The following FRAS1 variants were observed in gnomAD, a reference collection of about 807,000 sequenced individuals.
The protein encoded by FRAS1 is extracellular matrix organizing protein FRAS1.
Under a neutral mutation model 435.2 loss-of-function variants are expected in FRAS1, and 290 were observed. The ratio of observed to expected loss-of-function variants is 0.67; its 90% confidence interval spans 0.61 to 0.73. The LOEUF (loss-of-function observed/expected upper bound fraction) is 0.73. FRAS1 is among the 30% of genes least tolerant of loss of function. The probability of loss-of-function intolerance (pLI) is 0.00; values close to 1 mark genes in which losing one functional copy is unlikely to be tolerated. For synonymous variants in FRAS1, 1,800 were observed against 1,851.0 expected (o/e 0.97, Z 0.71); for missense variants, 4,860 against 5,001.5 (o/e 0.97, Z 0.85).
At chr4:78,313,155 C>A (rs561461685) in intron 15 of FRAS1, among the ~76,000 whole-genome samples, 2 of 152,254 alleles carry the variant, frequency 1.3e-5, no homozygotes, top group African/African-American at 4.8e-5. Flanking sequence ...GATGTCAGTT[C>A]TAGAATTGGA....
Position 78,180,765 on chromosome 4 carries a change from GT to G in FRAS1, c.109-56744del. On this transcript the variant is annotated intron_variant, in intron 2 of 73. Coordinates refer to ENST00000512123, the MANE Select transcript of FRAS1 (RefSeq NM_025074.7). ...TTAGGTGTGAATGGTATGAATGACAGTCTTTTTTTTTTTTTAATTTGTCATT... is the reference window on the plus strand; with the variant it reads ...TTAGGTGTGAATGGTATGAATGACAGCTTTTTTTTTTTTTAATTTGTCATT... 4.4e-6 allele frequency: 4 copies of G among 903,924 alleles called. No homozygotes were observed. The South Asian group carries it at 6.3e-5, about 14-fold the overall frequency. 56.0% of individuals were successfully genotyped at this position (903,924 alleles called of 1,614,324 possible). A position where few individuals can be genotyped will look rare whatever the true frequency, so the allele number is the denominator to read the frequency against.
intron 2 of FRAS1, among the ~76,000 whole-genome samples, chr4:78,074,467 T>G (rs901904951): frequency 1.3e-5 from 2 of 152,182 alleles, no homozygotes; most frequent in African/African-American, 4.8e-5. Context: ...TCCAAAGACA[T>G]TTATTGATCA....
At chr4:78,393,228 A>G (rs1732521927) in intron 29 of FRAS1, among the ~76,000 whole-genome samples, 2 of 152,024 alleles carry the variant, frequency 1.3e-5, no homozygotes, top group South Asian at 2.1e-4. Context: ...TTGTGGTAAC[A>G]TAAGCTCTAC....
chr4:78,407,914 T>G, intron 31 of FRAS1, 73 bp downstream of exon 31: 27 of 1,319,376 alleles, frequency 2.0e-5, no homozygotes, highest in Non-Finnish European at 2.7e-5. Context: ...TATAATCAAC[T>G]TGAGTAATTT....
intron 72 of FRAS1, among the ~76,000 whole-genome samples, chr4:78,538,718 G>T (rs1336982473): frequency 6.6e-6 from 1 of 152,146 alleles, no homozygotes; most frequent in Non-Finnish European, 1.5e-5. Flanking sequence ...ACTTTGGGAG[G>T]CCGAGGTGGG....
intron 1 of FRAS1, among the ~76,000 whole-genome samples, chr4:78,059,060 C>T (rs1242038672): frequency 6.6e-6 from 1 of 152,214 alleles, no homozygotes; most frequent in Non-Finnish European, 1.5e-5. Flanking sequence ...ATTATTCATC[C>T]AGCTGCGGGA....
At chr4:78,137,769 G>A (rs1719986480) in intron 2 of FRAS1, among the ~76,000 whole-genome samples, 1 of 152,192 alleles carries the variant, frequency 6.6e-6, no homozygotes, top group East Asian at 1.9e-4. Context: ...GAGTTAGGAT[G>A]CACTGGGTTC....
At chr4:78,463,610 C>T (rs1222797642) in intron 47 of FRAS1, among the ~76,000 whole-genome samples, 2 of 152,182 alleles carry the variant, frequency 1.3e-5, no homozygotes, top group African/African-American at 2.4e-5. Context: ...AAAGCTAAAC[C>T]ATTATGCAAT....
chr4:78,330,857 A>G (rs919351326), intron 18 of FRAS1, among the ~76,000 whole-genome samples: 2 of 152,138 alleles, frequency 1.3e-5, no homozygotes, highest in African/African-American at 4.8e-5. Flanking sequence ...TTGCCTTGTG[A>G]TATTCTATTA....
Position 78,523,321 on chromosome 4 carries a change from G to A in FRAS1, c.10808+513G>A, listed in dbSNP as rs552078736. On this transcript the variant is annotated intron_variant, in intron 69 of 73. Coordinates refer to ENST00000512123, the MANE Select transcript of FRAS1 (RefSeq NM_025074.7). The stretch of plus-strand genomic sequence containing the variant: ...AATGTGTCTAACTAAAACCTTTATT[G>A]AATAAAGAAATTTCATTTCAATTAC... Among the ~76,000 whole-genome samples the A allele has an allele frequency of 1.2e-3, 190 of 152,176 alleles. 1 individual carries two copies. Among genetic ancestry groups the A allele is most frequent in the African/African-American group, 4.2e-3 (175 of 41,524 alleles).
At position 78,537,039 on chromosome 4, in the gene FRAS1, C is replaced by G; in HGVS notation, c.11137C>G (p.Leu3713Val). ...AGTACTTTGGAATCCAGAACAAAAT[C>G]TTAATTCTGCTTACAAACTCCAGCT... The part of the protein sequence containing the change: ...GRVLWNPEQN[L>V]NSAYKLQLEK... The change falls in exon 72 of 74, where the codon CTT becomes GTT. Residue 3713 changes from leucine to valine, a missense_variant. Coordinates refer to ENST00000512123, the MANE Select transcript of FRAS1 (RefSeq NM_025074.7). The G allele has an allele frequency of 6.2e-7, 1 of 1,614,002 alleles. No individual in the cohort carries two copies. The highest frequency in any genetic ancestry group is 8.5e-7 in the Non-Finnish European group (1 of 1,179,882).
rs182555126 is a variant in FRAS1, at chr4:78,543,610, G to A, written c.*2486G>A. The A allele has an allele frequency of 7.2e-5, 11 of 152,318 alleles. No homozygotes were observed. Among genetic ancestry groups the A allele is most frequent in the African/African-American group, 2.6e-4 (11 of 41,546 alleles). 9.4% of individuals were successfully genotyped at this position (152,318 alleles called of 1,614,324 possible). A position where few individuals can be genotyped will look rare whatever the true frequency, so the allele number is the denominator to read the frequency against. On this transcript the variant is annotated 3_prime_UTR_variant, in exon 74 of 74. Coordinates refer to ENST00000512123, the MANE Select transcript of FRAS1 (RefSeq NM_025074.7). ...CTTTCTGCCTTTCACCCCACTAAAT[G>A]TATGTTATTGAATGCCAGTACTTCT... is the stretch of plus-strand genomic sequence containing the variant.
chr4:78,324,128 G>A (rs781626332), intron 18 of FRAS1, among the ~76,000 whole-genome samples: 1 of 151,922 alleles, frequency 6.6e-6, no homozygotes, highest in South Asian at 2.1e-4. Context: ...AAACATCCTC[G>A]TTTTTGTTTT....
intron 2 of FRAS1, among the ~76,000 whole-genome samples, chr4:78,202,298 C>A (rs949193024): frequency 1.3e-5 from 2 of 152,180 alleles, no homozygotes; most frequent in African/African-American, 4.8e-5. Context: ...CAAATTCGTG[C>A]CCCCTCATTA....
chr4:78,283,413 A>G (rs1340707659), intron 12 of FRAS1, among the ~76,000 whole-genome samples: 5 of 152,214 alleles, frequency 3.3e-5, no homozygotes, highest in Non-Finnish European at 7.3e-5. Context: ...ATGGGTTTTT[A>G]AAGTGTAAAG....
intron 2 of FRAS1, among the ~76,000 whole-genome samples, chr4:78,176,342 T>C (rs72654688): frequency 1.1e-4 from 17 of 152,310 alleles, no homozygotes; most frequent in Non-Finnish European, 1.6e-4. Context: ...GCAGTAATCA[T>C]TGCGCCCCTC....
Position 78,477,978 on chromosome 4 carries a change from A to T in FRAS1, c.8015A>T (p.Asp2672Val). ...QAKVIINDTEDEPTLEFDKKI... is the reference protein window; with the variant it reads ...QAKVIINDTEVEPTLEFDKKI... ...AAGGTCATTATCAACGATACCGAGGATGAACCCACATTAGAGTTTGACAAG... is the reference window on the plus strand; with the variant it reads ...AAGGTCATTATCAACGATACCGAGGTTGAACCCACATTAGAGTTTGACAAG... The change falls in exon 55 of 74, where the codon GAT becomes GTT. Residue 2672 changes from aspartate to valine, a missense_variant. Asp to Val is a radical substitution (Grantham distance 152). Transcript: ENST00000512123. 2 of 1,612,476 alleles carry T rather than the reference A, an allele frequency of 1.2e-6. No homozygotes were observed. The highest frequency in any genetic ancestry group is 2.2e-5 in the East Asian group (1 of 44,796).
rs146579213 is a variant in FRAS1, at chr4:78,063,964, G to A, written c.77-2021G>A. Among the ~76,000 whole-genome samples the A allele has an allele frequency of 9.9e-4, 151 of 152,006 alleles. 1 individual carries two copies. Among genetic ancestry groups the A allele is most frequent in the African/African-American group, 3.5e-3 (146 of 41,502 alleles). ...GAAATAATTAAATATGTCCATATAA[G>A]TAATTTAGAAAGTGAATTGTGTTCA... On this transcript the variant is annotated intron_variant, in intron 1 of 73. Transcript: ENST00000512123.
intron 6 of FRAS1, among the ~76,000 whole-genome samples, chr4:78,260,352 A>G (rs1726025635): frequency 6.6e-6 from 1 of 152,072 alleles, no homozygotes; most frequent in Non-Finnish European, 1.5e-5. Context: ...ATGTTCTTCC[A>G]TTTGTTTGTG....
Sources: allele counts gnomAD v4.1 joint callset (sites outside exome capture counted in the v4.1 genomes callset), GRCh38; gene constraint gnomAD v4.1.1; transcripts MANE v1.5; gene names NCBI Gene and HGNC (gene_info 2026-07-23, HGNC 2026-07-21).